STRBP: variants seen among roughly 807,000 people sequenced by gnomAD.
STRBP encodes the protein spermatid perinuclear RNA binding protein, also known as spermatid perinuclear RNA-binding protein.
Under a neutral mutation model 80.1 loss-of-function variants are expected in STRBP, and 13 were observed. The ratio of observed to expected loss-of-function variants is 0.16; its 90% CI spans 0.11 to 0.26. The LOEUF (loss-of-function observed/expected upper bound fraction) is 0.26. Among genes scored for constraint, STRBP ranks in the 10% least tolerant of loss-of-function variants. The pLI, the probability that STRBP is intolerant of heterozygous loss-of-function variation, is 1.00. For synonymous variants in STRBP, 284 were observed against 291.2 expected (o/e 0.98, Z 0.25); for missense variants, 485 against 815.2 (o/e 0.59, Z 4.93).
chr9:123,214,142 GTA>G (rs1421211226), intron 2 of STRBP, among the ~76,000 whole-genome samples: 23 of 103,756 alleles, frequency 2.2e-4, no homozygotes, highest in Admixed American at 2.9e-4. Context: ...ATATATATAT[GTA>G]TACACACACA....
chr9:123,199,502 C>T (rs1228672652), intron 2 of STRBP, among the ~76,000 whole-genome samples: 2 of 152,198 alleles, frequency 1.3e-5, no homozygotes, highest in African/African-American at 4.8e-5. Context: ...TTGATTCTTC[C>T]AATCCATGGG....
At chr9:123,178,942 C>A in intron 4 of STRBP, 65 bp downstream of exon 4, 1 of 1,491,042 alleles carries the variant, frequency 6.7e-7, no homozygotes, top group Non-Finnish European at 9.3e-7. Flanking sequence ...CACACTCAAT[C>A]CAGCAGACCT....
intron 2 of STRBP, among the ~76,000 whole-genome samples, chr9:123,201,051 T>G (rs2039308722): frequency 6.6e-6 from 1 of 152,144 alleles, no homozygotes; most frequent in South Asian, 2.1e-4. Context: ...TGGAATGATC[T>G]TTTGTATTTC....
Position 123,115,568 on chromosome 9 carries a change from A to G in STRBP, c.*84+361T>C. ...GCTGCAGATTCTGACATTTTCTCCA[A>G]CTGCTCCTTCTCCCCCATCACAGAG... On this transcript the variant is annotated intron_variant and NMD_transcript_variant, in intron 3 of 3. Coordinates refer to the STRBP transcript ENST00000471564. This position sits in a 1 kb window ranked among gnomAD's most constrained non-coding sequence, Gnocchi z 5.0. 2.8e-6 allele frequency: 1 copy of G among 352,654 alleles called. No individual in the cohort carries two copies. The highest frequency in any genetic ancestry group is 5.7e-6 in the Non-Finnish European group (1 of 176,042). The allele number at this position is 352,654 out of a possible 1,614,324, so 21.8% of individuals were successfully genotyped here. A position where few individuals can be genotyped will look rare whatever the true frequency, so the allele number is the denominator to read the frequency against.
At chr9:123,146,497 T>C (rs1406768126) in intron 13 of STRBP, among the ~76,000 whole-genome samples, 1 of 149,070 alleles carries the variant, frequency 6.7e-6, no homozygotes, top group Non-Finnish European at 1.5e-5. Context: ...TGAAAAAAAA[T>C]CAGAAGATAA....
At chr9:123,188,270 A>G (rs2038782158) in intron 2 of STRBP, among the ~76,000 whole-genome samples, 1 of 152,180 alleles carries the variant, frequency 6.6e-6, no homozygotes, top group African/African-American at 2.4e-5. Flanking sequence ...CAACTACTGA[A>G]GGACATCTTG....
rs113153368 is a variant in STRBP at position 123,212,198 on chromosome 9, G to A, written c.-165+24632C>T. Among the ~76,000 whole-genome samples, 533 of 152,222 alleles carry A rather than the reference G, an allele frequency of 3.5e-3. 2 individuals carry two copies. Among genetic ancestry groups the A allele is most frequent in the African/African-American group, 0.012 (482 of 41,538 alleles). ...TATACATTTAACACTTCAGGGGAAG[G>A]TAAGACTATAAAAAGAATTTGTTCT... On this transcript the variant is annotated intron_variant, in intron 2 of 18. Coordinates refer to ENST00000348403, the MANE Select transcript of STRBP (RefSeq NM_018387.5).
chr9:123,158,993 T>A, intron 9 of STRBP, 103 bp downstream of exon 9: 1 of 847,530 alleles, frequency 1.2e-6, no homozygotes, highest in South Asian at 1.7e-5. Context: ...AGAACTCCTA[T>A]GCATCATTTT....
intron 2 of STRBP, among the ~76,000 whole-genome samples, chr9:123,206,726 C>T (rs1247804313): frequency 1.3e-5 from 2 of 152,052 alleles, no homozygotes; most frequent in Non-Finnish European, 2.9e-5. Flanking sequence ...ACAACCTCCG[C>T]CTCCCGGGTC....
intron 1 of STRBP, among the ~76,000 whole-genome samples, chr9:123,259,513 C>A (rs1220843958): frequency 6.6e-6 from 1 of 152,084 alleles, no homozygotes; most frequent in Non-Finnish European, 1.5e-5. Flanking sequence ...TCGAGACCAG[C>A]CTGACCAACA....
intron 1 of STRBP, among the ~76,000 whole-genome samples, chr9:123,264,677 G>A (rs1051852570): frequency 7.9e-5 from 12 of 152,152 alleles, no homozygotes; most frequent in African/African-American, 2.7e-4. Flanking sequence ...AGTCACCAGC[G>A]AAAATAAAAC....
chr9:123,145,867 T>G (rs2036791302), intron 13 of STRBP, among the ~76,000 whole-genome samples: 4 of 152,198 alleles, frequency 2.6e-5, no homozygotes, highest in Admixed American at 2.0e-4. Context: ...TATATAGTGT[T>G]TGACATTTTT....
chr9:123,237,682 TG>T (rs1304434940), intron 1 of STRBP, among the ~76,000 whole-genome samples: 1 of 152,012 alleles, frequency 6.6e-6, no homozygotes, highest in Non-Finnish European at 1.5e-5. Flanking sequence ...TCTCAACTAC[TG>T]TGCGCTGAAT....
chr9:123,233,129 A>G (rs772022169), intron 2 of STRBP, among the ~76,000 whole-genome samples: 1 of 152,176 alleles, frequency 6.6e-6, no homozygotes, highest in East Asian at 1.9e-4. Flanking sequence ...CTGGGAGTGC[A>G]GTGGCGTGAA....
chr9:123,125,417 T>G lies in STRBP; in HGVS notation c.*180A>C. ...TTTTCACAGAACTGGTTTCTTTTTT[T>G]TTTTTCAAGTTTTAGAGAACTAAAT... is the stretch of plus-strand genomic sequence containing the variant. On this transcript the variant is annotated 3_prime_UTR_variant, in exon 19 of 19. Transcript: ENST00000348403. 8.0e-7 allele frequency: 1 copy of G among 1,246,224 alleles called. No individual in the cohort carries two copies. Among genetic ancestry groups the G allele is most frequent in the Non-Finnish European group, 1.0e-6 (1 of 994,998 alleles). 77.2% of individuals were successfully genotyped at this position (1,246,224 alleles called of 1,614,324 possible).
At chr9:123,134,066 T>C (rs1344819942) in intron 16 of STRBP, among the ~76,000 whole-genome samples, 1 of 152,092 alleles carries the variant, frequency 6.6e-6, no homozygotes, top group Non-Finnish European at 1.5e-5. Flanking sequence ...ATTCTAAAAA[T>C]ACAACAGATA....
chr9:123,157,901 A>G, intron 11 of STRBP, 111 bp downstream of exon 11: 3 of 816,104 alleles, frequency 3.7e-6, no homozygotes, highest in Non-Finnish European at 6.0e-6. Flanking sequence ...CTTTTTATAT[A>G]TGATTTGGAT....
intron 6 of STRBP, chr9:123,168,163 A>G: frequency 2.1e-6 from 2 of 933,964 alleles, no homozygotes; most frequent in Non-Finnish European, 2.6e-6. Context: ...GTTTTATACT[A>G]GAGGGTCAAG....
At chr9:123,261,443 A>G (rs2041159283) in intron 1 of STRBP, among the ~76,000 whole-genome samples, 1 of 152,194 alleles carries the variant, frequency 6.6e-6, no homozygotes, top group South Asian at 2.1e-4. Flanking sequence ...CCCTAAATGT[A>G]ATATTCCATT....
Sources: gnomAD v4.1 joint callset for allele counts (sites outside exome capture counted in the v4.1 genomes callset) on GRCh38, gnomAD v4.1.1 for gene constraint, Gnocchi (gnomAD v3.1) non-coding constraint, MANE v1.5 for transcripts, NCBI Gene and HGNC (gene_info 2026-07-23, HGNC 2026-07-21) for gene names.